Variants in IGFALS observed in about 807,000 individuals in gnomAD.
IGFALS encodes insulin-like growth factor-binding protein complex acid labile subunit.
A neutral mutation model predicts 2.6 loss-of-function variants in IGFALS; 2 were observed. The observed-to-expected ratio is 0.77, with a 90% CI of 0.32 to 2.44. IGFALS has a LOEUF of 2.44. Among genes scored for constraint, IGFALS ranks in the 30% most tolerant of loss-of-function variants. The pLI is 0.11. For missense variants in IGFALS, 996 were observed against 848.7 expected, an observed-to-expected ratio of 1.17 and a Z score of -2.16; for synonymous variants, 519 against 431.9, an observed-to-expected ratio of 1.20 and a Z score of -2.50.
intron 1 of IGFALS, 182 bp from the exon 2 acceptor site, chr16:1,792,583 C>T: frequency 8.3e-7 from 1 of 1,198,932 alleles, no homozygotes; most frequent in Non-Finnish European, 1.1e-6. Context: ...GCGCTTCCCA[C>T]CCCATGGGAC....
Position 1,790,762 on chromosome 16 carries a change from C to T in IGFALS, c.1656G>A (p.Leu552=). ...AGCGGGGCACAGCACTGGGGTTCTG[C>T]AGGGCGAAGTCCCGCAGCGCCTTGA... ...CPLKALRDFA[L]QNPSAVPRFV... The change falls in exon 2 of 2, where the codon CTG becomes CTA. Residue 552 remains leucine (L), a synonymous_variant. Transcript: ENST00000215539. 2 of 1,596,704 alleles carry T rather than the reference C, an allele frequency of 1.3e-6. No individual in the cohort carries two copies. The highest frequency in any genetic ancestry group is 2.3e-5 in the East Asian group (1 of 43,916).
upstream of IGFALS, chr16:1,793,829 C>T (rs190215463): frequency 1.6e-3 from 882 of 568,956 alleles, 2 homozygotes; most frequent in Non-Finnish European, 2.2e-3. Context: ...GGCATCAGCC[C>T]GGAGCCCTGG....
chr16:1,791,783 G>A lies in IGFALS; in HGVS notation c.635C>T (p.Ala212Val), dbSNP rs759371545. 3.8e-5 allele frequency: 59 copies of A among 1,548,120 alleles called. No individual in the cohort carries two copies. Among genetic ancestry groups the A allele is most frequent in the Admixed American group, 1.4e-4 (7 of 51,828 alleles). Residue 212 changes from alanine (A) to valine (V), a missense_variant, in exon 2 of 2, where the codon GCG (alanine) becomes GTG (valine). Transcript: ENST00000215539. ...GAGCTCGGCCAGGCCGCTGAAGAGC[G>A]CGGGCTGCAGGTAGGCCAGCCTGTT... is the stretch of plus-strand genomic sequence containing the variant. ...AGNRLAYLQP[A>V]LFSGLAELRE...
chr16:1,790,450 T>TG lies in IGFALS; in HGVS notation c.*149dup, dbSNP rs982418342. ...GCCTTTGCCTTTAATTGATGACAGCTGGGGGGGCCGCCATGCCTTCCACCC... is the reference window on the plus strand; with the variant it reads ...GCCTTTGCCTTTAATTGATGACAGCTGGGGGGGGCCGCCATGCCTTCCACCC... On this transcript the variant is annotated 3_prime_UTR_variant, in exon 2 of 2. Coordinates refer to ENST00000215539, the MANE Select transcript of IGFALS (RefSeq NM_004970.3). 3.0e-5 allele frequency: 22 copies of TG among 721,508 alleles called. No individual in the cohort carries two copies. The highest frequency in any genetic ancestry group is 3.6e-4 in the Middle Eastern group (1 of 2,788). 44.7% of individuals were successfully genotyped at this position (721,508 alleles called of 1,614,324 possible). A position where few individuals can be genotyped will look rare whatever the true frequency, so the allele number is the denominator to read the frequency against.
chr16:1,793,689 G>C lies in IGFALS; in HGVS notation c.-37C>G. ...GGCAGGCTGCAGGCAGGCAGCGAGGGAGGGTACGTCTGCTGTGCCGGCCAC... is the reference window on the plus strand; with the variant it reads ...GGCAGGCTGCAGGCAGGCAGCGAGGCAGGGTACGTCTGCTGTGCCGGCCAC... On this transcript the variant is annotated 5_prime_UTR_variant, in exon 1 of 2. Coordinates refer to ENST00000215539, the MANE Select transcript of IGFALS (RefSeq NM_004970.3). 1 of 1,577,282 alleles carries C rather than the reference G, an allele frequency of 6.3e-7. No individual in the cohort carries two copies. The highest frequency in any genetic ancestry group is 8.6e-7 in the Non-Finnish European group (1 of 1,160,844).
At position 1,793,561 on chromosome 16, in the gene IGFALS, C is replaced by T. The variant is rs35261548; in HGVS notation, c.16+76G>A. On this transcript the variant is annotated intron_variant, in intron 1 of 1. Transcript: ENST00000215539. ...CCCAGAGCTTCCTTGGGGGCTACCC[C>T]GGCCTCTCCCCAGCGGGCTCAGGGT... 3.2e-4 allele frequency: 463 copies of T among 1,441,916 alleles called. 5 individuals are homozygous for T. The African/African-American group carries it at 4.6e-3, about 14-fold the overall frequency. The allele number at this position is 1,441,916 out of a possible 1,614,324, so 89.3% of individuals were successfully genotyped here. A position where few individuals can be genotyped will look rare whatever the true frequency, so the allele number is the denominator to read the frequency against.
intron 1 of IGFALS, among the ~76,000 whole-genome samples, chr16:1,793,064 G>A (rs1287866910): frequency 6.6e-6 from 1 of 152,208 alleles, no homozygotes. Flanking sequence ...CCAGCCAGCA[G>A]GCTCCCAAGC....
Position 1,791,629 on chromosome 16 carries a change from C to A in IGFALS, c.789G>T (p.Leu263=). ...CCAGCCATCGCAGCGCCTTCAGGCCCAGGAAGGCGCCCGGGGCCACGGCAG... is the reference window on the plus strand; with the variant it reads ...CCAGCCATCGCAGCGCCTTCAGGCCAAGGAAGGCGCCCGGGGCCACGGCAG... The part of the protein sequence containing the change: ...LIAAVAPGAF[L]GLKALRWLDL... Residue 263 remains leucine (L), a synonymous_variant, in exon 2 of 2, where the codon CTG becomes CTT. Transcript: ENST00000215539. 6.4e-7 allele frequency: 1 copy of A among 1,574,514 alleles called. No homozygotes were observed. Among genetic ancestry groups the A allele is most frequent in the East Asian group, 2.4e-5 (1 of 42,482 alleles).
chr16:1,793,720 C>T, upstream of IGFALS: 1 of 1,493,290 alleles, frequency 6.7e-7, no homozygotes, highest in Non-Finnish European at 9.1e-7. Flanking sequence ...GCCACCCCTG[C>T]CCTCTGGATT....
chr16:1,793,794 G>A (rs531007412), upstream of IGFALS: 490 of 770,392 alleles, frequency 6.4e-4, no homozygotes, highest in Non-Finnish European at 9.3e-4. Flanking sequence ...CCCTGGCTCT[G>A]TTAACCCCCT....
In IGFALS at chr16:1,791,698, C is replaced by G; in HGVS notation, c.720G>C (p.Gln240His). ...GGTAGAGTTTCTGGAGCCGGGGCAG[C>G]TGCACGAACACGTTTGCCTTGATGG... Reference protein sequence around the residue: ...LRAIKANVFVQLPRLQKLYLD... With the variant: ...LRAIKANVFVHLPRLQKLYLD... Residue 240 changes from glutamine (Q) to histidine (H), a missense_variant, in exon 2 of 2, where the codon CAG (glutamine) becomes CAC (histidine). By Grantham distance (24) the Gln-to-His change is conservative. Transcript: ENST00000215539. 1 of 1,574,466 alleles carries G rather than the reference C, an allele frequency of 6.4e-7. No homozygotes were observed. The highest frequency in any genetic ancestry group is 8.6e-7 in the Non-Finnish European group (1 of 1,164,584).
chr16:1,793,747 G>A, upstream of IGFALS: 1 of 1,292,210 alleles, frequency 7.7e-7, no homozygotes, highest in Non-Finnish European at 1.1e-6. Flanking sequence ...CTGCGGGGCA[G>A]CCCGCGCCTG....
At chr16:1,794,347 C>T (rs1030539538), upstream of IGFALS, among the ~76,000 whole-genome samples, 11 of 152,304 alleles carry the variant, frequency 7.2e-5, no homozygotes, top group African/African-American at 1.7e-4. Flanking sequence ...GGGCTGCAGG[C>T]GCCTGTTTGC....
chr16:1,792,716 C>G (rs994776503), intron 1 of IGFALS, among the ~76,000 whole-genome samples: 9 of 152,266 alleles, frequency 5.9e-5, no homozygotes, highest in Non-Finnish European at 1.3e-4. Flanking sequence ...CAGCCGCACC[C>G]CCAAGGCAGG....
At chr16:1,794,215 G>C (rs1177957103), upstream of IGFALS, among the ~76,000 whole-genome samples, 1 of 152,124 alleles carries the variant, frequency 6.6e-6, no homozygotes, top group Admixed American at 6.5e-5. Flanking sequence ...GGGAGCTGCC[G>C]TTTGGGCTTC....
In IGFALS at chr16:1,791,784, C is replaced by G; in HGVS notation, c.634G>C (p.Ala212Pro). The change falls in exon 2 of 2, where the codon GCG becomes CCG. Residue 212 changes from alanine to proline, a missense_variant. By Grantham distance (27) the Ala-to-Pro change is conservative. Transcript: ENST00000215539. ...AGNRLAYLQP[A>P]LFSGLAELRE... ...AGCTCGGCCAGGCCGCTGAAGAGCG[C>G]GGGCTGCAGGTAGGCCAGCCTGTTG... The G allele has an allele frequency of 6.5e-7, 1 of 1,548,408 alleles. No homozygotes were observed. Among genetic ancestry groups the G allele is most frequent in the East Asian group, 2.4e-5 (1 of 41,230 alleles).
rs1320915666 is a variant in IGFALS at position 1,791,395 on chromosome 16, C to T, written c.1023G>A (p.Glu341=). 1.2e-6 allele frequency: 2 copies of T among 1,610,696 alleles called. No homozygotes were observed. Among genetic ancestry groups the T allele is most frequent in the African/African-American group, 1.3e-5 (1 of 74,930 alleles). ...GCTGGTTGTGGTCTAGCGTGAGCAC[C>T]TCAAGCTGCCCCAGGCCCTCAAAGC... is the stretch of plus-strand genomic sequence containing the variant. ...ERSFEGLGQL[E]VLTLDHNQLQ... Residue 341 remains glutamate, a synonymous_variant, in exon 2 of 2, where the codon GAG becomes GAA. Transcript: ENST00000215539.
rs760516893 is a variant in IGFALS at position 1,790,518 on chromosome 16, C to T, written c.*82G>A. The T allele has an allele frequency of 1.5e-5, 18 of 1,226,498 alleles. No homozygotes were observed. In the South Asian group the frequency reaches 2.1e-4, roughly 14 times the overall value. The allele number at this position is 1,226,498 out of a possible 1,614,324, so 76.0% of individuals were successfully genotyped here. ...TTCCAGCAAGTGCACTGGGCAGGCC[C>T]CTGAGGACACTGAGGACCTGTCCCC... On this transcript the variant is annotated 3_prime_UTR_variant, in exon 2 of 2. Coordinates refer to ENST00000215539, the MANE Select transcript of IGFALS (RefSeq NM_004970.3).
In IGFALS at chr16:1,791,077, C is replaced by A. The variant is rs772332590; in HGVS notation, c.1341G>T (p.Thr447=). Residue 447 remains threonine, a synonymous_variant, in exon 2 of 2, where the codon ACG becomes ACT. Transcript: ENST00000215539. ...CCTGGAAGAGGCGGTGGGGCAGGTG[C>A]GTGAGCTGGTTGGAGGTCAGGTCGA... The part of the protein sequence containing the change: ...LELDLTSNQL[T]HLPHRLFQGL... 5.6e-6 allele frequency: 9 copies of A among 1,599,250 alleles called. No homozygotes were observed. The highest frequency in any genetic ancestry group is 7.6e-6 in the Non-Finnish European group (9 of 1,179,776).
Sources: allele counts gnomAD v4.1 joint callset (sites outside exome capture counted in the v4.1 genomes callset), GRCh38; gene constraint gnomAD v4.1.1; transcripts MANE v1.5; gene names NCBI Gene and HGNC (gene_info 2026-07-23, HGNC 2026-07-21).